Variants in SORCS2 observed in about 807,000 individuals in gnomAD.
The protein encoded by SORCS2 is sortilin related VPS10 domain containing receptor 2.
In SORCS2, 100 loss-of-function variants were observed where a neutral mutation model predicts 141.6. The ratio of observed to expected loss-of-function variants is 0.71; its 90% CI spans 0.60 to 0.83. SORCS2 has a LOEUF of 0.83. Among genes scored for constraint, SORCS2 ranks in the 40% least tolerant of loss-of-function variants. The pLI is 0.00. For synonymous variants in SORCS2, 789 were observed against 676.9 expected, an observed-to-expected ratio of 1.17 and a Z score of -2.57; for missense variants, 1,646 against 1,560.2, an observed-to-expected ratio of 1.05 and a Z score of -0.93.
chr4:7,640,484 GAGC>G (rs1314220807), intron 4 of SORCS2, among the ~76,000 whole-genome samples: 1 of 144,740 alleles, frequency 6.9e-6, no homozygotes, highest in African/African-American at 2.6e-5. Context: ...GTGTGAGAGA[GAGC>G]CTATGTGAGC....
intron 1 of SORCS2, among the ~76,000 whole-genome samples, chr4:7,309,099 C>G (rs796109614): frequency 1.3e-5 from 2 of 152,334 alleles, no homozygotes; most frequent in African/African-American, 4.8e-5. Flanking sequence ...GGGCTGGGAG[C>G]CCCTTGGTTG....
chr4:7,729,005 C>T (rs1204209060), intron 22 of SORCS2, among the ~76,000 whole-genome samples: 1 of 152,222 alleles, frequency 6.6e-6, no homozygotes, highest in Non-Finnish European at 1.5e-5. Flanking sequence ...GCTTCCCCTC[C>T]CGTGAATAAT....
intron 9 of SORCS2, among the ~76,000 whole-genome samples, chr4:7,676,824 T>TCTCCCTCTCCCTCTCTCTCTCC (rs1553902878): frequency 2.0e-5 from 1 of 49,078 alleles, no homozygotes; most frequent in Non-Finnish European, 3.9e-5. Flanking sequence ...TCTCTCTCTC[T>TCTCCCTCTCCCTCTCTCTCTCC]CTCTCCCTCT....
intron 1 of SORCS2, among the ~76,000 whole-genome samples, chr4:7,368,332 C>T (rs180907560): frequency 6.0e-4 from 91 of 152,316 alleles, no homozygotes; most frequent in Middle Eastern, 3.4e-3. Flanking sequence ...CTAATAAAGC[C>T]GGAGAGAAGG....
chr4:7,294,608 G>A (rs923932525), intron 1 of SORCS2, among the ~76,000 whole-genome samples: 4 of 151,176 alleles, frequency 2.6e-5, no homozygotes, highest in Non-Finnish European at 3.0e-5. Flanking sequence ...GGCCCAGCCA[G>A]TACTTGCCGT....
intron 3 of SORCS2, among the ~76,000 whole-genome samples, chr4:7,592,862 C>T (rs1233193588): frequency 6.6e-6 from 1 of 152,248 alleles, no homozygotes; most frequent in Non-Finnish European, 1.5e-5. Flanking sequence ...AAACCACCAA[C>T]CAGAATGCCT....
intron 1 of SORCS2, among the ~76,000 whole-genome samples, chr4:7,384,634 C>T (rs147500404): frequency 2.8e-4 from 43 of 152,360 alleles, no homozygotes; most frequent in South Asian, 8.3e-4. Flanking sequence ...GCTGAACGTC[C>T]GGCTCCACCC....
At chr4:7,540,928 C>A (rs1359660064) in intron 3 of SORCS2, among the ~76,000 whole-genome samples, 1 of 152,208 alleles carries the variant, frequency 6.6e-6, no homozygotes, top group East Asian at 1.9e-4. Context: ...AACCGGCCAG[C>A]GCCCCACCCA....
chr4:7,395,033 G>T (rs773802872), intron 1 of SORCS2, among the ~76,000 whole-genome samples: 5 of 152,216 alleles, frequency 3.3e-5, no homozygotes, highest in Non-Finnish European at 5.9e-5. Flanking sequence ...GGCTCTGACG[G>T]CAGGCTGTGA....
At chr4:7,570,310 A>T (rs1219033386) in intron 3 of SORCS2, among the ~76,000 whole-genome samples, 4 of 152,198 alleles carry the variant, frequency 2.6e-5, no homozygotes, top group Non-Finnish European at 5.9e-5. Context: ...TTGTACTCAC[A>T]GCCTCGAGGC....
At chr4:7,514,483 G>C (rs1176248469) in intron 2 of SORCS2, among the ~76,000 whole-genome samples, 1 of 151,662 alleles carries the variant, frequency 6.6e-6, no homozygotes, top group African/African-American at 2.4e-5. Context: ...GTAGCGATAT[G>C]TGCTATGAAT....
intron 4 of SORCS2, among the ~76,000 whole-genome samples, chr4:7,646,694 G>A (rs560409562): frequency 6.6e-6 from 1 of 152,180 alleles, no homozygotes; most frequent in Non-Finnish European, 1.5e-5. Flanking sequence ...GAGGGAGAAG[G>A]CGGCGTTTGC....
intron 3 of SORCS2, among the ~76,000 whole-genome samples, chr4:7,622,067 C>T (rs1375445926): frequency 6.6e-6 from 1 of 151,672 alleles, no homozygotes; most frequent in Non-Finnish European, 1.5e-5. Context: ...ACGTCCTGCC[C>T]CAGAGCACGG....
intron 2 of SORCS2, among the ~76,000 whole-genome samples, chr4:7,437,259 C>T (rs1403941739): frequency 6.6e-6 from 1 of 152,152 alleles, no homozygotes; most frequent in East Asian, 1.9e-4. Context: ...TCTAGGGTGG[C>T]TCATAGGACT....
intron 19 of SORCS2, among the ~76,000 whole-genome samples, chr4:7,724,618 A>ATGGTGATGGT: frequency 1.7e-5 from 1 of 59,674 alleles, no homozygotes; most frequent in Non-Finnish European, 3.2e-5. Flanking sequence ...AGTGCTGGTG[A>ATGGTGATGGT]GGATGGTGAT....
In SORCS2 at chr4:7,664,950, A is replaced by G. The variant is rs1560467131; in HGVS notation, c.1071+479A>G. Among the ~76,000 whole-genome samples the G allele has an allele frequency of 1.3e-5, 2 of 152,192 alleles. No individual in the cohort carries two copies. Among genetic ancestry groups the G allele is most frequent in the Middle Eastern group, 3.4e-3 (1 of 294 alleles). On this transcript the variant is annotated intron_variant, in intron 7 of 26. Coordinates refer to ENST00000507866, the MANE Select transcript of SORCS2 (RefSeq NM_020777.3). The surrounding 1 kb of genome is among the most constrained non-coding windows in gnomAD (Gnocchi z 4.7). ...AGAAACTCTAGCACACAACCAATCC[A>G]TCCAGCTTTTCTTCACCTTCATGGA...
At chr4:7,636,391 G>T (rs1560444197) in intron 3 of SORCS2, among the ~76,000 whole-genome samples, 2 of 152,240 alleles carry the variant, frequency 1.3e-5, no homozygotes, top group East Asian at 3.8e-4. Flanking sequence ...ATGAGTGAAT[G>T]AATGAATTAA....
chr4:7,199,750 A>G (rs2108857475), intron 1 of SORCS2, among the ~76,000 whole-genome samples: 1 of 151,970 alleles, frequency 6.6e-6, no homozygotes, highest in East Asian at 1.9e-4. Context: ...AACAGATGAG[A>G]CCTTGACTGT....
intron 3 of SORCS2, among the ~76,000 whole-genome samples, chr4:7,588,720 C>A (rs1716706393): frequency 6.6e-6 from 1 of 152,194 alleles, no homozygotes; most frequent in Non-Finnish European, 1.5e-5. Context: ...GCTGGGCTTC[C>A]TGTCCTGGAA....
Sources: gnomAD v4.1 joint callset for allele counts (sites outside exome capture counted in the v4.1 genomes callset) on GRCh38, gnomAD v4.1.1 for gene constraint, Gnocchi (gnomAD v3.1) non-coding constraint, MANE v1.5 for transcripts, NCBI Gene and HGNC (gene_info 2026-07-23, HGNC 2026-07-21) for gene names.